The following APOBEC2 variants were observed in gnomAD, a reference collection of about 807,000 sequenced individuals.
APOBEC2 encodes the protein C->U-editing enzyme APOBEC-2.
A neutral mutation model predicts 19.4 loss-of-function variants in APOBEC2; 14 were observed. The observed-to-expected ratio is 0.72, with a 90% CI of 0.48 to 1.13. APOBEC2 has a LOEUF of 1.13. Ranked by LOEUF, APOBEC2 falls within the 50% of genes most tolerant of loss-of-function variation. The pLI is 0.00. For synonymous variants in APOBEC2, 127 were observed against 112.1 expected (o/e 1.13, Z -0.84); for missense variants, 304 against 277.0 (o/e 1.10, Z -0.69).
chr6:41,061,576 CCT>C lies in APOBEC2; in HGVS notation c.381_382del (p.Ala129SerfsTer4). Reference sequence around the variant, plus strand: ...GTCACCTGGTATGTGTCCTCCAGCCCCTGTGCAGCGTGTGCTGACCGCATTAT... The same window carrying C: ...GTCACCTGGTATGTGTCCTCCAGCCCGTGCAGCGTGTGCTGACCGCATTAT... On this transcript the variant is annotated frameshift_variant, in exon 2 of 3. Transcript: ENST00000244669. LOFTEE classifies it high-confidence loss of function. 6.2e-7 allele frequency: 1 copy of C among 1,614,208 alleles called. No individual in the cohort carries two copies. Among genetic ancestry groups the C allele is most frequent in the African/African-American group, 1.3e-5 (1 of 75,058 alleles).
rs563873793 is a variant in APOBEC2, at chr6:41,062,272, A to T, written c.*21+380A>T. ...TGCCCCTGTGTACATGTCAGGGATT[A>T]CTAATTCCAGACATCTTCTAGATGC... On this transcript the variant is annotated intron_variant, in intron 2 of 2. Transcript: ENST00000244669. Among the ~76,000 whole-genome samples, 15 of 152,370 alleles carry T rather than the reference A, an allele frequency of 9.8e-5. No homozygotes were observed. In the East Asian group the frequency reaches 2.9e-3, roughly 29 times the overall value.
chr6:41,053,264 G>C lies in APOBEC2; in HGVS notation c.-84G>C. 1.3e-6 allele frequency: 2 copies of C among 1,534,338 alleles called. No homozygotes were observed. On this transcript the variant is annotated 5_prime_UTR_variant, in exon 1 of 3. Transcript: ENST00000244669. ...CAGCCAGATTTAGCTGCTGACAGCT[G>C]CTTGGGACTCTGCCGCCAGGGCCTG... is the stretch of plus-strand genomic sequence containing the variant.
At chr6:41,053,501 G>A (rs944300875) in intron 1 of APOBEC2, 23 bp downstream of exon 1, 3 of 1,613,850 alleles carry the variant, frequency 1.9e-6, no homozygotes, top group Non-Finnish European at 2.5e-6. Context: ...TGTGGGTCAG[G>A]GTTCTGCTCC....
chr6:41,053,693 G>A (rs1350684265), intron 1 of APOBEC2, among the ~76,000 whole-genome samples: 1 of 152,154 alleles, frequency 6.6e-6, no homozygotes, highest in African/African-American at 2.4e-5. Flanking sequence ...TAATCAGGGA[G>A]AGGTAGGAGG....
At chr6:41,063,228 C>T (rs1256954646) in intron 2 of APOBEC2, among the ~76,000 whole-genome samples, 1 of 152,188 alleles carries the variant, frequency 6.6e-6, no homozygotes, top group African/African-American at 2.4e-5. Flanking sequence ...AAGCAGGACC[C>T]AGTCACTGAA....
At position 41,053,369 on chromosome 6, in the gene APOBEC2, G is replaced by A. The variant is rs41273358; in HGVS notation, c.22G>A (p.Ala8Thr). Residue 8 changes from alanine to threonine, a missense_variant, in exon 1 of 3, where the codon GCT becomes ACT. Transcript: ENST00000244669. ...CTCCATGGCCCAGAAGGAAGAGGCT[G>A]CTGTGGCCACTGAGGCTGCCTCCCA... is the stretch of plus-strand genomic sequence containing the variant. MAQKEEA[A>T]VATEAASQNG... The A allele has an allele frequency of 0.013, 20,430 of 1,613,820 alleles. 186 individuals are homozygous for A. The highest frequency in any genetic ancestry group is 0.018 in the Middle Eastern group (108 of 5,850).
At chr6:41,059,319 G>C (rs1762844354) in intron 1 of APOBEC2, among the ~76,000 whole-genome samples, 1 of 152,184 alleles carries the variant, frequency 6.6e-6, no homozygotes, top group South Asian at 2.1e-4. Flanking sequence ...GACTTGGGGA[G>C]TGGGGCAAAA....
At position 41,061,583 on chromosome 6, in the gene APOBEC2, A is replaced by T; in HGVS notation, c.387A>T (p.Ala129=). 1 of 1,614,242 alleles carries T rather than the reference A, an allele frequency of 6.2e-7. No homozygotes were observed. Among genetic ancestry groups the T allele is most frequent in the Non-Finnish European group, 8.5e-7 (1 of 1,180,042 alleles). ...GGTATGTGTCCTCCAGCCCCTGTGCAGCGTGTGCTGACCGCATTATCAAAA... is the reference window on the plus strand; with the variant it reads ...GGTATGTGTCCTCCAGCCCCTGTGCTGCGTGTGCTGACCGCATTATCAAAA... The part of the protein sequence containing the change: ...VTWYVSSSPC[A]ACADRIIKTL... The change falls in exon 2 of 3, where the codon GCA becomes GCT. Residue 129 remains alanine (A), a synonymous_variant. Coordinates refer to ENST00000244669, the MANE Select transcript of APOBEC2 (RefSeq NM_006789.4).
At chr6:41,062,237 CCT>C (rs1169784802) in intron 2 of APOBEC2, among the ~76,000 whole-genome samples, 2 of 152,234 alleles carry the variant, frequency 1.3e-5, no homozygotes, top group East Asian at 1.9e-4. Context: ...ATACTGAAAT[CCT>C]CTGAGTATGC....
chr6:41,058,924 G>T (rs1303175918), intron 1 of APOBEC2, among the ~76,000 whole-genome samples: 1 of 152,144 alleles, frequency 6.6e-6, no homozygotes, highest in African/African-American at 2.4e-5. Flanking sequence ...CCCTGCTGAG[G>T]GACAGAGTAG....
At chr6:41,062,299 TC>T (rs759425388) in intron 2 of APOBEC2, among the ~76,000 whole-genome samples, 1 of 152,250 alleles carries the variant, frequency 6.6e-6, no homozygotes, top group African/African-American at 2.4e-5. Flanking sequence ...TCTAGATGCC[TC>T]ACTCCCATAT....
At chr6:41,062,589 G>T (rs1430713196) in intron 2 of APOBEC2, among the ~76,000 whole-genome samples, 3 of 152,190 alleles carry the variant, frequency 2.0e-5, no homozygotes, top group East Asian at 1.9e-4. Flanking sequence ...GGATAATATA[G>T]CAACAAGCTA....
chr6:41,062,202 C>G (rs1762886247), intron 2 of APOBEC2, among the ~76,000 whole-genome samples: 1 of 152,210 alleles, frequency 6.6e-6, no homozygotes, highest in African/African-American at 2.4e-5. Context: ...GTGCAAGCAC[C>G]TGCTACTGAA....
At chr6:41,063,141 C>T (rs1404939891) in intron 2 of APOBEC2, among the ~76,000 whole-genome samples, 1 of 152,164 alleles carries the variant, frequency 6.6e-6, no homozygotes, top group African/African-American at 2.4e-5. Context: ...ATTAGACATG[C>T]ACATGGGCAC....
chr6:41,057,230 GGAGT>G (rs1227239095), intron 1 of APOBEC2, among the ~76,000 whole-genome samples: 1 of 152,206 alleles, frequency 6.6e-6, no homozygotes, highest in Non-Finnish European at 1.5e-5. Context: ...GGTGAGATAA[GGAGT>G]GAGGGGACTT....
Position 41,053,256 on chromosome 6 carries a change from T to G in APOBEC2, c.-92T>G, listed in dbSNP as rs1762752814. 6.7e-7 allele frequency: 1 copy of G among 1,500,406 alleles called. No homozygotes were observed. Among genetic ancestry groups the G allele is most frequent in the Non-Finnish European group, 8.9e-7 (1 of 1,123,872 alleles). The allele number at this position is 1,500,406 out of a possible 1,614,324, so 92.9% of individuals were successfully genotyped here. On this transcript the variant is annotated 5_prime_UTR_variant, in exon 1 of 3. Transcript: ENST00000244669. ...GTCATCCCCAGCCAGATTTAGCTGC[T>G]GACAGCTGCTTGGGACTCTGCCGCC...
At chr6:41,056,036 G>A (rs1194086033) in intron 1 of APOBEC2, among the ~76,000 whole-genome samples, 9 of 152,234 alleles carry the variant, frequency 5.9e-5, no homozygotes, top group Admixed American at 5.9e-4. Context: ...AAAGGGATCA[G>A]GTTTGGTAAT....
chr6:41,061,738 C>G lies in APOBEC2; in HGVS notation c.542C>G (p.Pro181Arg), dbSNP rs766065060. ...GGCTGTAAACTGCGCATCATGAAGCCCCAGGACTTCGAATATGTCTGGCAG... is the reference window on the plus strand; with the variant it reads ...GGCTGTAAACTGCGCATCATGAAGCGCCAGGACTTCGAATATGTCTGGCAG... ...EAGCKLRIMK[P>R]QDFEYVWQNF... The change falls in exon 2 of 3, where the codon CCC becomes CGC. Residue 181 changes from proline (P) to arginine (R), a missense_variant. By Grantham distance (103) the Pro-to-Arg change is moderately radical. Coordinates refer to ENST00000244669, the MANE Select transcript of APOBEC2 (RefSeq NM_006789.4). 1 of 1,614,078 alleles carries G rather than the reference C, an allele frequency of 6.2e-7. No individual in the cohort carries two copies. Among genetic ancestry groups the G allele is most frequent in the African/African-American group, 1.3e-5 (1 of 74,934 alleles).
intron 1 of APOBEC2, among the ~76,000 whole-genome samples, chr6:41,054,635 T>G (rs377640136): frequency 2.6e-4 from 39 of 152,182 alleles, no homozygotes; most frequent in East Asian, 1.7e-3. Flanking sequence ...GAGGCAAGAG[T>G]AGCCCCTGAA....
Sources: gnomAD v4.1 joint callset for allele counts (sites outside exome capture counted in the v4.1 genomes callset) on GRCh38, gnomAD v4.1.1 for gene constraint, MANE v1.5 for transcripts, NCBI Gene and HGNC (gene_info 2026-07-23, HGNC 2026-07-21) for gene names.